CREB3L2: variants seen among roughly 807,000 people sequenced by gnomAD.
The protein encoded by CREB3L2 is cAMP responsive element binding protein 3 like 2.
A neutral mutation model predicts 57.2 loss-of-function variants in CREB3L2; 23 were observed. The observed-to-expected ratio is 0.40, with a 90% CI of 0.29 to 0.57. The LOEUF (loss-of-function observed/expected upper bound fraction) is 0.57, where lower values mean the gene tolerates loss of function less well. Among genes scored for constraint, CREB3L2 ranks in the 20% least tolerant of loss-of-function variants. The pLI, the probability that CREB3L2 is intolerant of heterozygous loss-of-function variation, is 0.42. For synonymous variants in CREB3L2, 268 were observed against 265.1 expected (o/e 1.01, Z -0.11); for missense variants, 628 against 634.7 (o/e 0.99, Z 0.11).
intron 2 of CREB3L2, among the ~76,000 whole-genome samples, chr7:137,919,626 G>A (rs13228189): frequency 0.035 from 5,261 of 152,246 alleles, 183 homozygotes; most frequent in East Asian, 0.1. Context: ...GCTCACTAGG[G>A]CATTGTTTAT....
At chr7:137,968,780 T>G (rs1801452121) in intron 1 of CREB3L2, among the ~76,000 whole-genome samples, 1 of 152,114 alleles carries the variant, frequency 6.6e-6, no homozygotes, top group South Asian at 2.1e-4. Flanking sequence ...CCACCAACTC[T>G]CTATCCCAAC....
intron 1 of CREB3L2, among the ~76,000 whole-genome samples, chr7:137,930,179 G>T (rs1032931020): frequency 1.3e-5 from 2 of 152,104 alleles, no homozygotes; most frequent in African/African-American, 4.8e-5. Context: ...TTACAGGCGT[G>T]AGCCACTGTG....
chr7:137,957,461 G>A (rs1334704215), intron 1 of CREB3L2, among the ~76,000 whole-genome samples: 1 of 152,052 alleles, frequency 6.6e-6, no homozygotes, highest in Admixed American at 6.6e-5. Flanking sequence ...CCCACCGTCT[G>A]TACAGCATCC....
chr7:137,995,562 T>C (rs1298156298), intron 1 of CREB3L2, among the ~76,000 whole-genome samples: 3 of 152,086 alleles, frequency 2.0e-5, no homozygotes, highest in African/African-American at 7.2e-5. Context: ...CTTGAACTCC[T>C]GACCTTGTGA....
chr7:137,916,030 A>G lies in CREB3L2; in HGVS notation c.320-18T>C, dbSNP rs768648040. 1.2e-6 allele frequency: 2 copies of G among 1,606,766 alleles called. No homozygotes were observed. Among genetic ancestry groups the G allele is most frequent in the Non-Finnish European group, 1.7e-6 (2 of 1,176,370 alleles). On this transcript the variant is annotated intron_variant, in intron 2 of 11. Transcript: ENST00000330387. ...CACCTCATCTGCAGGAAAAAAGACA[A>G]GCACACATGTGAACTTGTTCAGGGC... is the stretch of plus-strand genomic sequence containing the variant.
intron 1 of CREB3L2, chr7:137,957,577 C>T (rs1801241497): frequency 2.7e-6 from 1 of 364,830 alleles, no homozygotes; most frequent in Non-Finnish European, 5.2e-6. Flanking sequence ...ACAGTAACTC[C>T]AAACTCAACA....
chr7:137,990,981 T>C (rs1790510453), intron 1 of CREB3L2, among the ~76,000 whole-genome samples: 1 of 152,204 alleles, frequency 6.6e-6, no homozygotes, highest in Non-Finnish European at 1.5e-5. Flanking sequence ...TTCCTACCTC[T>C]GTGTCTCTGT....
At chr7:137,954,280 T>C (rs10267160) in intron 1 of CREB3L2, among the ~76,000 whole-genome samples, 21,421 of 151,952 alleles carry the variant, frequency 0.14, 1,903 homozygotes, top group Admixed American at 0.25. Flanking sequence ...TTGTGTATTA[T>C]TTTTCCTGAA....
intron 1 of CREB3L2, among the ~76,000 whole-genome samples, chr7:137,935,162 C>T (rs1353798867): frequency 6.6e-6 from 1 of 152,120 alleles, no homozygotes; most frequent in Non-Finnish European, 1.5e-5. Flanking sequence ...AACAATAATG[C>T]CGGCAAAGTG....
At chr7:137,894,586 G>C (rs901282128) in intron 8 of CREB3L2, among the ~76,000 whole-genome samples, 11 of 152,142 alleles carry the variant, frequency 7.2e-5, no homozygotes, top group African/African-American at 2.7e-4. Context: ...GTCCACATAG[G>C]CCCTGGAAAT....
intron 4 of CREB3L2, among the ~76,000 whole-genome samples, chr7:137,910,126 G>A (rs1799975361): frequency 6.6e-6 from 1 of 152,100 alleles, no homozygotes; most frequent in Non-Finnish European, 1.5e-5. Flanking sequence ...GAGAGGATGA[G>A]CAGCAATCAG....
intron 11 of CREB3L2, 107 bp downstream of exon 11, chr7:137,882,305 G>A: frequency 1.3e-6 from 1 of 782,398 alleles, no homozygotes; most frequent in South Asian, 1.8e-5. Context: ...GAGAGCTGAG[G>A]GACTGAACCA....
chr7:137,937,624 G>A (rs1231687234), intron 1 of CREB3L2, among the ~76,000 whole-genome samples: 5 of 152,118 alleles, frequency 3.3e-5, no homozygotes, highest in Admixed American at 2.0e-4. Context: ...TTCTTTTCTA[G>A]TACAAAAATG....
Position 137,980,776 on chromosome 7 carries a change from G to A in CREB3L2, c.102+20828C>T, listed in dbSNP as rs1801699161. 6.6e-6 allele frequency among the ~76,000 whole-genome samples: 1 copy of A among 152,168 alleles called. No individual in the cohort carries two copies. Among genetic ancestry groups the A allele is most frequent in the Admixed American group, 6.5e-5 (1 of 15,274 alleles). On this transcript the variant is annotated intron_variant, in intron 1 of 11. Transcript: ENST00000330387. The surrounding 1 kb of genome is among the most constrained non-coding windows in gnomAD (Gnocchi z 4.3). Reference sequence around the variant, plus strand: ...GCAAACTAGGAAACAATTTTCCACTGGCCATCAATAAAATTCCTCATTAAT... The same window carrying A: ...GCAAACTAGGAAACAATTTTCCACTAGCCATCAATAAAATTCCTCATTAAT...
At chr7:137,884,755 T>C (rs1799373064) in intron 10 of CREB3L2, 2 of 623,936 alleles carry the variant, frequency 3.2e-6, no homozygotes, top group Non-Finnish European at 5.7e-6. Flanking sequence ...GGGAACACAG[T>C]CTAGAACAGC....
At position 137,876,548 on chromosome 7, in the gene CREB3L2, C is replaced by CT. The variant is rs1344057197; in HGVS notation, c.*3927dup. 1 of 232,980 alleles carries CT rather than the reference C, an allele frequency of 4.3e-6. No individual in the cohort carries two copies. The highest frequency in any genetic ancestry group is 6.0e-5 in the East Asian group (1 of 16,580). The allele number at this position is 232,980 out of a possible 1,614,324, so 14.4% of individuals were successfully genotyped here. On this transcript the variant is annotated 3_prime_UTR_variant, in exon 12 of 12. Coordinates refer to ENST00000330387, the MANE Select transcript of CREB3L2 (RefSeq NM_194071.4). ...ATGAGTGAGTGAATGAACGAAACATCTAAGTCTTGTCTCTGGATCCTTCAC... is the reference window on the plus strand; with the variant it reads ...ATGAGTGAGTGAATGAACGAAACATCTTAAGTCTTGTCTCTGGATCCTTCAC...
chr7:137,887,928 T>C (rs2117180441), intron 8 of CREB3L2, among the ~76,000 whole-genome samples: 1 of 152,310 alleles, frequency 6.6e-6, no homozygotes, highest in South Asian at 2.1e-4. Flanking sequence ...GGTTTGTATT[T>C]AAATGTATTC....
At position 137,879,135 on chromosome 7, in the gene CREB3L2, A is replaced by AT; in HGVS notation, c.*1340dup. 14 of 505,848 alleles carry AT rather than the reference A, an allele frequency of 2.8e-5. 1 individual carries two copies. In the Middle Eastern group the frequency reaches 2.4e-3, roughly 87 times the overall value. 31.3% of individuals were successfully genotyped at this position (505,848 alleles called of 1,614,324 possible). A position where few individuals can be genotyped will look rare whatever the true frequency, so the allele number is the denominator to read the frequency against. ...TTCTTATTTATATGAAAGAGGAAAG[A>AT]TTTTTTTAAACTACAAAAGTTACTT... On this transcript the variant is annotated 3_prime_UTR_variant, in exon 12 of 12. Coordinates refer to ENST00000330387, the MANE Select transcript of CREB3L2 (RefSeq NM_194071.4).
chr7:137,969,791 C>CACACACAT (rs141056660), intron 1 of CREB3L2, among the ~76,000 whole-genome samples: 3 of 148,564 alleles, frequency 2.0e-5, no homozygotes, highest in Non-Finnish European at 4.5e-5. Context: ...CACACACACA[C>CACACACAT]ACAACATACA....
Sources: allele counts gnomAD v4.1 joint callset (sites outside exome capture counted in the v4.1 genomes callset), GRCh38; gene constraint gnomAD v4.1.1; non-coding constraint Gnocchi (gnomAD v3.1); transcripts MANE v1.5; gene names NCBI Gene and HGNC (gene_info 2026-07-23, HGNC 2026-07-21).